Variants in CACNA2D3 observed in about 807,000 individuals in gnomAD.
The protein encoded by CACNA2D3 is voltage-dependent calcium channel subunit alpha-2/delta-3.
In CACNA2D3, 60 loss-of-function variants were observed where a neutral mutation model predicts 160.6. The observed-to-expected ratio is 0.37, with a 90% CI of 0.30 to 0.46. CACNA2D3 has a LOEUF of 0.46. CACNA2D3 is among the 20% of genes least tolerant of loss of function. The pLI is 1.00. For missense variants in CACNA2D3, 1,205 were observed against 1,365.0 expected, an observed-to-expected ratio of 0.88 and a Z score of 1.85; for synonymous variants, 558 against 492.9, an observed-to-expected ratio of 1.13 and a Z score of -1.75.
chr3:54,937,724 G>A (rs1701365594), intron 27 of CACNA2D3, among the ~76,000 whole-genome samples: 1 of 152,064 alleles, frequency 6.6e-6, no homozygotes, highest in African/African-American at 2.4e-5. Context: ...CCACAGAGAG[G>A]GGAAGAGACG....
At chr3:54,243,778 G>A (rs1702017311) in intron 2 of CACNA2D3, among the ~76,000 whole-genome samples, 1 of 152,182 alleles carries the variant, frequency 6.6e-6, no homozygotes, top group Non-Finnish European at 1.5e-5. Context: ...CAGCTCTGCC[G>A]ATTGCTAGCA....
chr3:54,578,617 A>G (rs975092564), intron 8 of CACNA2D3, among the ~76,000 whole-genome samples: 3 of 152,242 alleles, frequency 2.0e-5, no homozygotes, highest in African/African-American at 7.2e-5. Context: ...TACAGACCAG[A>G]TTGCTCAGCA....
chr3:54,306,179 A>C (rs1246512075), intron 2 of CACNA2D3, among the ~76,000 whole-genome samples: 1 of 152,044 alleles, frequency 6.6e-6, no homozygotes, highest in Non-Finnish European at 1.5e-5. Flanking sequence ...GCACCCCCCA[A>C]CCCGAAGCTC....
chr3:54,215,061 C>G (rs12632508), intron 2 of CACNA2D3, among the ~76,000 whole-genome samples: 4 of 152,176 alleles, frequency 2.6e-5, no homozygotes, highest in Non-Finnish European at 4.4e-5. Flanking sequence ...CTCCCAGGCC[C>G]TATTGTCCAC....
At chr3:54,504,831 A>G (rs1055644100) in intron 5 of CACNA2D3, among the ~76,000 whole-genome samples, 5 of 152,204 alleles carry the variant, frequency 3.3e-5, no homozygotes, top group Non-Finnish European at 5.9e-5. Context: ...TATTTGTGAA[A>G]TAGGGATAAT....
chr3:54,509,212 A>G (rs1368752388), intron 5 of CACNA2D3, among the ~76,000 whole-genome samples: 1 of 152,192 alleles, frequency 6.6e-6, no homozygotes, highest in Non-Finnish European at 1.5e-5. Context: ...ATGTGCAAGA[A>G]GGCTCACAAA....
intron 27 of CACNA2D3, chr3:54,927,841 T>A: frequency 6.4e-7 from 1 of 1,562,774 alleles, no homozygotes; most frequent in Non-Finnish European, 8.8e-7. Context: ...CAGATACCTT[T>A]GTGAGGGGAT....
At chr3:54,484,666 GTCTA>G (rs551896800) in intron 4 of CACNA2D3, among the ~76,000 whole-genome samples, 353 of 152,066 alleles carry the variant, frequency 2.3e-3, no homozygotes, top group Middle Eastern at 0.01. Flanking sequence ...CATATTCTGT[GTCTA>G]TCTTTTAATT....
chr3:54,765,996 A>G (rs142023308), intron 13 of CACNA2D3, among the ~76,000 whole-genome samples: 1 of 152,298 alleles, frequency 6.6e-6, no homozygotes, highest in Non-Finnish European at 1.5e-5. Flanking sequence ...ATTGTAAAAA[A>G]TGAAACCATT....
intron 13 of CACNA2D3, among the ~76,000 whole-genome samples, chr3:54,816,542 C>T (rs1183166048): frequency 6.6e-6 from 1 of 152,144 alleles, no homozygotes; most frequent in Non-Finnish European, 1.5e-5. Context: ...TTGTGCCCTT[C>T]GGATCACTGG....
intron 27 of CACNA2D3, among the ~76,000 whole-genome samples, chr3:54,942,739 A>G (rs1208224059): frequency 1.3e-5 from 2 of 151,922 alleles, no homozygotes; most frequent in African/African-American, 4.8e-5. Context: ...AATAAAAAAA[A>G]TTAGGCCAGG....
intron 27 of CACNA2D3, among the ~76,000 whole-genome samples, chr3:54,951,104 A>G (rs962752321): frequency 6.6e-6 from 1 of 152,230 alleles, no homozygotes; most frequent in Non-Finnish European, 1.5e-5. Context: ...CGCTCCAACT[A>G]TAATATCAAG....
At chr3:54,301,713 C>A (rs1027758484) in intron 2 of CACNA2D3, among the ~76,000 whole-genome samples, 3 of 152,134 alleles carry the variant, frequency 2.0e-5, no homozygotes, top group East Asian at 3.9e-4. Flanking sequence ...TGAAACACAG[C>A]AGGCACATGT....
At chr3:54,242,738 G>C (rs971610116) in intron 2 of CACNA2D3, among the ~76,000 whole-genome samples, 1 of 152,134 alleles carries the variant, frequency 6.6e-6, no homozygotes, top group African/African-American at 2.4e-5. Flanking sequence ...TGTATGAATT[G>C]TTTATTTTTG....
intron 14 of CACNA2D3, among the ~76,000 whole-genome samples, chr3:54,827,400 G>C (rs916625126): frequency 6.6e-6 from 1 of 152,358 alleles, no homozygotes; most frequent in Middle Eastern, 3.4e-3. Flanking sequence ...AGGATGGAAA[G>C]ATAGATCAAT....
At chr3:54,690,448 G>A (rs1009422986) in intron 11 of CACNA2D3, among the ~76,000 whole-genome samples, 1 of 152,052 alleles carries the variant, frequency 6.6e-6, no homozygotes, top group African/African-American at 2.4e-5. Flanking sequence ...CTCATAACAG[G>A]GCCCAGCACA....
intron 35 of CACNA2D3, among the ~76,000 whole-genome samples, chr3:55,033,597 T>TATA (rs1244170942): frequency 6.9e-6 from 1 of 144,864 alleles, no homozygotes; most frequent in African/African-American, 2.5e-5. Flanking sequence ...TATATATATA[T>TATA]ATATATATAT....
At chr3:54,269,655 G>T (rs576884699) in intron 2 of CACNA2D3, among the ~76,000 whole-genome samples, 1 of 152,220 alleles carries the variant, frequency 6.6e-6, no homozygotes, top group Non-Finnish European at 1.5e-5. Flanking sequence ...CTAGGCTGGG[G>T]ATGCAGACAG....
chr3:54,326,470 A>G (rs568801306), intron 3 of CACNA2D3, among the ~76,000 whole-genome samples: 5 of 152,362 alleles, frequency 3.3e-5, no homozygotes, highest in South Asian at 4.1e-4. Flanking sequence ...AAGCTGTATA[A>G]GGAATTAATA....
Sources: allele counts gnomAD v4.1 joint callset (sites outside exome capture counted in the v4.1 genomes callset), GRCh38; gene constraint gnomAD v4.1.1; transcripts MANE v1.5; gene names NCBI Gene and HGNC (gene_info 2026-07-23, HGNC 2026-07-21).